Variants in SGMS1 observed in about 807,000 individuals in gnomAD.
SGMS1 encodes sphingomyelin synthase 1.
Under a neutral mutation model 46.2 loss-of-function variants are expected in SGMS1, and 13 were observed. That is an observed-to-expected ratio of 0.28 (90% CI 0.18 to 0.45). The LOEUF (loss-of-function observed/expected upper bound fraction) is 0.45, where lower values mean the gene tolerates loss of function less well. SGMS1 is among the 20% of genes least tolerant of loss of function. The pLI, the probability that SGMS1 is intolerant of heterozygous loss-of-function variation, is 1.00. For missense variants in SGMS1, 324 were observed against 519.9 expected, an observed-to-expected ratio of 0.62 and a Z score of 3.66; for synonymous variants, 203 against 187.8, an observed-to-expected ratio of 1.08 and a Z score of -0.66.
chr10:50,582,320 T>A (rs1838442620), intron 2 of SGMS1, among the ~76,000 whole-genome samples: 1 of 152,182 alleles, frequency 6.6e-6, no homozygotes, highest in Non-Finnish European at 1.5e-5. Flanking sequence ...GAAAAAAATC[T>A]CCTTCATTAA....
intron 1 of SGMS1, among the ~76,000 whole-genome samples, chr10:50,596,441 G>A (rs556251055): frequency 6.6e-6 from 1 of 152,220 alleles, no homozygotes; most frequent in Non-Finnish European, 1.5e-5. Flanking sequence ...GCCTCCCAAA[G>A]TGCTGGGCTT....
At chr10:50,470,871 C>T (rs1008282940) in intron 3 of SGMS1, among the ~76,000 whole-genome samples, 15 of 152,102 alleles carry the variant, frequency 9.9e-5, no homozygotes, top group Non-Finnish European at 2.2e-4. Flanking sequence ...AAACTGGCCT[C>T]TCAAACCGGT....
intron 5 of SGMS1, among the ~76,000 whole-genome samples, chr10:50,455,265 G>A (rs1417557126): frequency 6.6e-6 from 1 of 152,130 alleles, no homozygotes; most frequent in African/African-American, 2.4e-5. Context: ...TATACAAACA[G>A]CTCAGGCCCT....
chr10:50,424,993 A>G (rs1477064396), intron 6 of SGMS1, among the ~76,000 whole-genome samples: 1 of 152,100 alleles, frequency 6.6e-6, no homozygotes, highest in Admixed American at 6.6e-5. Flanking sequence ...ATCACTAATC[A>G]TCAGAGAAAT....
chr10:50,520,652 T>C (rs1310576588), intron 2 of SGMS1, among the ~76,000 whole-genome samples: 1 of 152,108 alleles, frequency 6.6e-6, no homozygotes, highest in African/African-American at 2.4e-5. Flanking sequence ...TATAACAAAA[T>C]AGTTTCAACT....
At chr10:50,520,995 C>T (rs1465440133) in intron 2 of SGMS1, among the ~76,000 whole-genome samples, 1 of 151,984 alleles carries the variant, frequency 6.6e-6, no homozygotes, top group Non-Finnish European at 1.5e-5. Context: ...CCTCCCACCT[C>T]AGCCTCCCAA....
At chr10:50,379,932 A>G (rs1345526472) in intron 6 of SGMS1, among the ~76,000 whole-genome samples, 4 of 152,198 alleles carry the variant, frequency 2.6e-5, no homozygotes, top group Non-Finnish European at 5.9e-5. Flanking sequence ...TCAAGGCCTG[A>G]AGCTTGAGTA....
intron 6 of SGMS1, among the ~76,000 whole-genome samples, chr10:50,369,707 A>T (rs2133440690): frequency 6.6e-6 from 1 of 152,344 alleles, no homozygotes; most frequent in Admixed American, 6.5e-5. Context: ...TGCACTGAAA[A>T]GAACCAGTTT....
intron 7 of SGMS1, among the ~76,000 whole-genome samples, chr10:50,340,973 C>T (rs1474484327): frequency 6.6e-6 from 1 of 152,164 alleles, no homozygotes; most frequent in Non-Finnish European, 1.5e-5. Flanking sequence ...GCCAAATAGG[C>T]TTAATTTGGA....
At position 50,389,346 on chromosome 10, in the gene SGMS1, C is replaced by T. The variant is rs115921481; in HGVS notation, c.-232+44130G>A. On this transcript the variant is annotated intron_variant, in intron 6 of 10. Coordinates refer to ENST00000361781, the MANE Select transcript of SGMS1 (RefSeq NM_147156.4). ...TACTAATATAAAAACCAATCTTTGC[C>T]TAAATCTTTAAAAAATATATGCTGT... 1.7e-3 allele frequency among the ~76,000 whole-genome samples: 254 copies of T among 152,264 alleles called. 1 individual carries two copies. The highest frequency in any genetic ancestry group is 5.9e-3 in the African/African-American group (243 of 41,538).
intron 6 of SGMS1, among the ~76,000 whole-genome samples, chr10:50,400,234 C>T (rs920699843): frequency 1.2e-4 from 18 of 151,472 alleles, no homozygotes; most frequent in Non-Finnish European, 1.9e-4. Context: ...AGATTTAAAA[C>T]CTAGCTCTTC....
chr10:50,342,033 C>T (rs1450669056), intron 7 of SGMS1, among the ~76,000 whole-genome samples: 3 of 151,926 alleles, frequency 2.0e-5, no homozygotes, highest in Non-Finnish European at 4.4e-5. Context: ...GATGAAAAAC[C>T]GGAAAAGGAG....
At chr10:50,467,612 G>A (rs1490302982) in intron 3 of SGMS1, among the ~76,000 whole-genome samples, 1 of 152,124 alleles carries the variant, frequency 6.6e-6, no homozygotes, top group Non-Finnish European at 1.5e-5. Flanking sequence ...ATCTTGGGTG[G>A]CTTAATAAAT....
At position 50,541,199 on chromosome 10, in the gene SGMS1, C is replaced by T. The variant is rs567661799; in HGVS notation, c.-588-21278G>A. ...CACTAATTCTTTATCTTCTATTTTC[C>T]GATTCTAGTTAAGTTTTATAATACT... is the stretch of plus-strand genomic sequence containing the variant. On this transcript the variant is annotated intron_variant, in intron 2 of 10. Coordinates refer to ENST00000361781, the MANE Select transcript of SGMS1 (RefSeq NM_147156.4). Among the ~76,000 whole-genome samples, 18 of 152,170 alleles carry T rather than the reference C, an allele frequency of 1.2e-4. No homozygotes were observed. In the South Asian group the frequency reaches 3.1e-3, roughly 26 times the overall value.
chr10:50,621,200 A>C (rs542317008), intron 1 of SGMS1, among the ~76,000 whole-genome samples: 1 of 152,112 alleles, frequency 6.6e-6, no homozygotes, highest in South Asian at 2.1e-4. Context: ...ACAAAAAAAA[A>C]CTGATGGCTA....
At chr10:50,349,932 T>C (rs1847977926) in intron 6 of SGMS1, among the ~76,000 whole-genome samples, 2 of 152,192 alleles carry the variant, frequency 1.3e-5, no homozygotes, top group South Asian at 2.1e-4. Flanking sequence ...GCTGAAAAGA[T>C]ATCTGAAAAT....
chr10:50,445,329 T>C (rs1588829540), intron 5 of SGMS1, among the ~76,000 whole-genome samples: 1 of 152,180 alleles, frequency 6.6e-6, no homozygotes, highest in Non-Finnish European at 1.5e-5. Flanking sequence ...TAAGATTAAA[T>C]ATACACTTAC....
At chr10:50,611,585 C>T (rs1838749971) in intron 1 of SGMS1, among the ~76,000 whole-genome samples, 1 of 152,228 alleles carries the variant, frequency 6.6e-6, no homozygotes, top group African/African-American at 2.4e-5. Flanking sequence ...AGCATCTTTC[C>T]TCACTGCCCT....
At chr10:50,580,891 C>T (rs1453627904) in intron 2 of SGMS1, among the ~76,000 whole-genome samples, 1 of 152,100 alleles carries the variant, frequency 6.6e-6, no homozygotes, top group Non-Finnish European at 1.5e-5. Flanking sequence ...CACTTAAAAA[C>T]AGTAAAGAAG....
Sources: allele counts gnomAD v4.1 joint callset (sites outside exome capture counted in the v4.1 genomes callset), GRCh38; gene constraint gnomAD v4.1.1; transcripts MANE v1.5; gene names NCBI Gene and HGNC (gene_info 2026-07-23, HGNC 2026-07-21).